TOR1B: variants seen among roughly 807,000 people sequenced by gnomAD.
TOR1B encodes torsin family 1 member B, also known as torsin-1B.
In TOR1B, 14 loss-of-function variants were observed where a neutral mutation model predicts 29.2. The observed-to-expected ratio is 0.48, with a 90% CI of 0.32 to 0.75. The LOEUF (loss-of-function observed/expected upper bound fraction) is 0.75, where lower values mean the gene tolerates loss of function less well. Ranked by LOEUF, TOR1B falls within the 30% of genes least tolerant of loss-of-function variation. The pLI is 0.04. For missense variants in TOR1B, 400 were observed against 433.9 expected (o/e 0.92, Z 0.69); for synonymous variants, 166 against 179.8 (o/e 0.92, Z 0.62).
At chr9:129,804,455 C>T (rs1327525053) in intron 2 of TOR1B, 117 bp downstream of exon 2, 1 of 1,351,036 alleles carries the variant, frequency 7.4e-7, no homozygotes, top group Non-Finnish European at 1.0e-6. Context: ...CCCGGCTCCA[C>T]TGAGTTAAGG....
intron 2 of TOR1B, among the ~76,000 whole-genome samples, chr9:129,805,877 G>A (rs2030449057): frequency 6.6e-6 from 1 of 152,140 alleles, no homozygotes; most frequent in Non-Finnish European, 1.5e-5. Context: ...TTGTCTAGGA[G>A]GGTTAGTTCT....
chr9:129,804,289 T>C lies in TOR1B; in HGVS notation c.416T>C (p.Phe139Ser), dbSNP rs749792734. The C allele has an allele frequency of 1.5e-5, 24 of 1,614,186 alleles. No individual in the cohort carries two copies. The highest frequency in any genetic ancestry group is 1.9e-5 in the Non-Finnish European group (23 of 1,180,034). ...CTGAAGAGTAACTTTGTCCACCTGTTTGTATCGACTCTGCACTTCCCTCAT... is the reference window on the plus strand; with the variant it reads ...CTGAAGAGTAACTTTGTCCACCTGTCTGTATCGACTCTGCACTTCCCTCAT... The part of the protein sequence containing the change: ...KGLKSNFVHL[F>S]VSTLHFPHEQ... Residue 139 changes from phenylalanine (F) to serine (S), a missense_variant, in exon 2 of 5, where the codon TTT becomes TCT. Phe to Ser is a radical substitution (Grantham distance 155). Coordinates refer to ENST00000259339, the MANE Select transcript of TOR1B (RefSeq NM_014506.3).
Position 129,810,487 on chromosome 9 carries a change from C to G in TOR1B, c.*904C>G, listed in dbSNP as rs925869112. On this transcript the variant is annotated 3_prime_UTR_variant, in exon 5 of 5. Transcript: ENST00000259339. ...CCGTCTCAGCTGGTATCAGCCCCAGCCTGCCTTGTGCCATATCTCAGCTTG... is the reference window on the plus strand; with the variant it reads ...CCGTCTCAGCTGGTATCAGCCCCAGGCTGCCTTGTGCCATATCTCAGCTTG... 1 of 1,120,630 alleles carries G rather than the reference C, an allele frequency of 8.9e-7. No homozygotes were observed. Among genetic ancestry groups the G allele is most frequent in the South Asian group, 1.8e-5 (1 of 55,402 alleles). The allele number at this position is 1,120,630 out of a possible 1,614,324, so 69.4% of individuals were successfully genotyped here.
At position 129,810,043 on chromosome 9, in the gene TOR1B, G is replaced by C; in HGVS notation, c.*460G>C. The C allele has an allele frequency of 3.3e-6, 4 of 1,226,892 alleles. No individual in the cohort carries two copies. Among genetic ancestry groups the C allele is most frequent in the Non-Finnish European group, 4.2e-6 (4 of 947,350 alleles). The allele number at this position is 1,226,892 out of a possible 1,614,324, so 76.0% of individuals were successfully genotyped here. The stretch of plus-strand genomic sequence containing the variant: ...GAAGTACCTGAAAACAGCTGTGCAT[G>C]GCAGGCCCGGCAATAGCTTCTGACC... On this transcript the variant is annotated 3_prime_UTR_variant, in exon 5 of 5. Coordinates refer to ENST00000259339, the MANE Select transcript of TOR1B (RefSeq NM_014506.3).
chr9:129,803,831 A>G (rs190029014), intron 1 of TOR1B, among the ~76,000 whole-genome samples: 42 of 152,314 alleles, frequency 2.8e-4, no homozygotes, highest in Admixed American at 2.2e-3. Context: ...CGCTCAGTCA[A>G]GCGATGGTTC....
chr9:129,810,386 A>G lies in TOR1B; in HGVS notation c.*803A>G. ...GGCCTTCACCTAAGACCTCTGCAGC[A>G]GACCTGGACAGACAGGCCCCTCCCG... On this transcript the variant is annotated 3_prime_UTR_variant, in exon 5 of 5. Coordinates refer to ENST00000259339, the MANE Select transcript of TOR1B (RefSeq NM_014506.3). 1 of 1,232,832 alleles carries G rather than the reference A, an allele frequency of 8.1e-7. No individual in the cohort carries two copies. The highest frequency in any genetic ancestry group is 1.5e-5 in the African/African-American group (1 of 64,630). 76.4% of individuals were successfully genotyped at this position (1,232,832 alleles called of 1,614,324 possible).
Position 129,809,012 on chromosome 9 carries a change from G to A in TOR1B, c.749G>A (p.Gly250Glu). The stretch of plus-strand genomic sequence containing the variant: ...GACCTGGAACCTGTACTGTCTGTCG[G>A]AGTCTTCAATAATAAACACAGTGAG... ...LKDLEPVLSV[G>E]VFNNKHSGLW... is the part of the protein sequence containing the mutation. Residue 250 changes from glycine (G) to glutamate (E), a missense_variant, in exon 4 of 5, where the codon GGA (glycine) becomes GAA (glutamate). Physicochemically the swap from Gly to Glu is moderately conservative, Grantham distance 98. Coordinates refer to ENST00000259339, the MANE Select transcript of TOR1B (RefSeq NM_014506.3). 6.2e-7 allele frequency: 1 copy of A among 1,612,178 alleles called. No homozygotes were observed. The highest frequency in any genetic ancestry group is 2.2e-5 in the East Asian group (1 of 44,878).
At position 129,809,195 on chromosome 9, in the gene TOR1B, G is replaced by A. The variant is rs1435373944; in HGVS notation, c.770-147G>A. ...CTGTGCTAGAAACCAGTGAGTGAGTGTCCAGCTGAGTCCTGCATGGGCTTG... is the reference window on the plus strand; with the variant it reads ...CTGTGCTAGAAACCAGTGAGTGAGTATCCAGCTGAGTCCTGCATGGGCTTG... On this transcript the variant is annotated intron_variant, in intron 4 of 4. Coordinates refer to ENST00000259339, the MANE Select transcript of TOR1B (RefSeq NM_014506.3). 4.6e-6 allele frequency: 7 copies of A among 1,516,376 alleles called. No homozygotes were observed. The African/African-American group carries it at 9.7e-5, about 21-fold the overall frequency. The allele number at this position is 1,516,376 out of a possible 1,614,324, so 93.9% of individuals were successfully genotyped here.
At position 129,810,026 on chromosome 9, in the gene TOR1B, T is replaced by C. The variant is rs1357939790; in HGVS notation, c.*443T>C. On this transcript the variant is annotated 3_prime_UTR_variant, in exon 5 of 5. Coordinates refer to ENST00000259339, the MANE Select transcript of TOR1B (RefSeq NM_014506.3). ...ATGTACTGACCGAGACAGAAGTACCTGAAAACAGCTGTGCATGGCAGGCCC... is the reference window on the plus strand; with the variant it reads ...ATGTACTGACCGAGACAGAAGTACCCGAAAACAGCTGTGCATGGCAGGCCC... 2 of 1,204,062 alleles carry C rather than the reference T, an allele frequency of 1.7e-6. No homozygotes were observed. The highest frequency in any genetic ancestry group is 2.1e-6 in the Non-Finnish European group (2 of 940,320). The allele number at this position is 1,204,062 out of a possible 1,614,324, so 74.6% of individuals were successfully genotyped here.
At chr9:129,804,874 C>T (rs1439216345) in intron 2 of TOR1B, among the ~76,000 whole-genome samples, 2 of 147,322 alleles carry the variant, frequency 1.4e-5, no homozygotes, top group Non-Finnish European at 3.0e-5. Flanking sequence ...CACAGTGGCT[C>T]ACGCCTGTAA....
chr9:129,808,861 G>T, intron 3 of TOR1B, 44 bp from the exon 4 acceptor site: 1 of 1,609,006 alleles, frequency 6.2e-7, no homozygotes, highest in South Asian at 1.1e-5. Flanking sequence ...AGACACAGAA[G>T]TCTTAATATG....
rs1377848597 is a variant in TOR1B, at chr9:129,809,429, T to A, written c.857T>A (p.Met286Lys). The change falls in exon 5 of 5, where the codon ATG becomes AAG. Residue 286 changes from methionine (M) to lysine (K), a missense_variant. Coordinates refer to ENST00000259339, the MANE Select transcript of TOR1B (RefSeq NM_014506.3). ...CCTTTGGAGTACAGACATGTGAAAA[T>A]GTGTGTGAGGGCCGAGATGAGGGCC... is the stretch of plus-strand genomic sequence containing the variant. The part of the protein sequence containing the change: ...FLPLEYRHVK[M>K]CVRAEMRARG... The A allele has an allele frequency of 1.2e-6, 2 of 1,613,786 alleles. No individual in the cohort carries two copies. The highest frequency in any genetic ancestry group is 2.7e-5 in the African/African-American group (2 of 74,830).
chr9:129,807,058 T>G, intron 2 of TOR1B, 130 bp from the exon 3 acceptor site: 1 of 772,346 alleles, frequency 1.3e-6, no homozygotes, highest in Non-Finnish European at 2.1e-6. Flanking sequence ...ACCTAGCGAG[T>G]GGGGGTGAGG....
chr9:129,807,156 G>A lies in TOR1B; in HGVS notation c.466-32G>A, dbSNP rs766374427. On this transcript the variant is annotated intron_variant, in intron 2 of 4. Transcript: ENST00000259339. ...CCTCTTGGTGCACCCTTTGAGCTTC[G>A]CATCCTGTTTCTTCTTTCATGGTTG... The A allele has an allele frequency of 3.1e-5, 50 of 1,607,434 alleles. 1 individual carries two copies. The highest frequency in any genetic ancestry group is 1.5e-4 in the South Asian group (14 of 90,632).
At position 129,810,353 on chromosome 9, in the gene TOR1B, G is replaced by GC; in HGVS notation, c.*770_*771insC. 9.2e-7 allele frequency: 1 copy of GC among 1,092,832 alleles called. No individual in the cohort carries two copies. The highest frequency in any genetic ancestry group is 1.2e-6 in the Non-Finnish European group (1 of 822,934). 67.7% of individuals were successfully genotyped at this position (1,092,832 alleles called of 1,614,324 possible). A position where few individuals can be genotyped will look rare whatever the true frequency, so the allele number is the denominator to read the frequency against. Reference sequence around the variant, plus strand: ...AGCTGACCTGTGTGTGTGTGTGTGGGGGGGTGGGGCCTTCACCTAAGACCT... The same window carrying GC: ...AGCTGACCTGTGTGTGTGTGTGTGGGCGGGGTGGGGCCTTCACCTAAGACCT... On this transcript the variant is annotated 3_prime_UTR_variant, in exon 5 of 5. Coordinates refer to ENST00000259339, the MANE Select transcript of TOR1B (RefSeq NM_014506.3).
chr9:129,807,234 ACT>A lies in TOR1B; in HGVS notation c.515_516del (p.Ser172CysfsTer5), dbSNP rs778545209. ...CGCGGTAATGTGAGTGCATGTGCGA[ACT>A]CTGTTTTCATATTTGACGAGATGGA... is the stretch of plus-strand genomic sequence containing the variant. On this transcript the variant is annotated frameshift_variant, in exon 3 of 5. Transcript: ENST00000259339. LOFTEE classifies it high-confidence loss of function. The A allele has an allele frequency of 1.4e-5, 22 of 1,613,600 alleles. No individual in the cohort carries two copies. The South Asian group carries it at 2.0e-4, about 14-fold the overall frequency.
chr9:129,804,376 C>T (rs112120689), intron 2 of TOR1B, 38 bp downstream of exon 2: 8 of 1,599,274 alleles, frequency 5.0e-6, no homozygotes, highest in African/African-American at 2.7e-5. Flanking sequence ...GCAGGCCAGT[C>T]GGACTGGTCC....
chr9:129,809,062 A>T, intron 4 of TOR1B, 30 bp downstream of exon 4: 1 of 1,586,886 alleles, frequency 6.3e-7, no homozygotes, highest in Non-Finnish European at 8.6e-7. Context: ...GGAGCCCCTT[A>T]ACTGTCCAGC....
At chr9:129,804,952 C>T (rs1196932009) in intron 2 of TOR1B, among the ~76,000 whole-genome samples, 1 of 149,648 alleles carries the variant, frequency 6.7e-6, no homozygotes, top group Non-Finnish European at 1.5e-5. Context: ...TCCTGGCTAA[C>T]ACGGTGAGAC....
Sources: gnomAD v4.1 joint callset for allele counts (sites outside exome capture counted in the v4.1 genomes callset) on GRCh38, gnomAD v4.1.1 for gene constraint, MANE v1.5 for transcripts, NCBI Gene and HGNC (gene_info 2026-07-23, HGNC 2026-07-21) for gene names.